IGF1R: variants seen among roughly 807,000 people sequenced by gnomAD.
IGF1R encodes insulin like growth factor 1 receptor.
IGF1R carries 44 observed loss-of-function variants against 144.6 expected under a neutral mutation model. The observed-to-expected ratio is 0.30, with a 90% CI of 0.24 to 0.39. IGF1R has a LOEUF of 0.39. Among genes scored for constraint, IGF1R ranks in the 10% least tolerant of loss-of-function variants. The pLI, the probability that IGF1R is intolerant of heterozygous loss-of-function variation, is 1.00. For missense variants in IGF1R, 1,355 were observed against 1,833.7 expected (o/e 0.74, Z 4.77); for synonymous variants, 795 against 722.8 (o/e 1.10, Z -1.60).
At position 98,712,318 on chromosome 15, in the gene IGF1R, A is replaced by G. The variant is rs1006147476; in HGVS notation, c.640+4211A>G. ...CATATCAGACCACCACGAGCATTTC[A>G]CTACAGCCTCTGATGGTCTTCCCTG... is the stretch of plus-strand genomic sequence containing the variant. On this transcript the variant is annotated intron_variant, in intron 2 of 20. Transcript: ENST00000650285. 1.3e-5 allele frequency among the ~76,000 whole-genome samples: 2 copies of G among 152,050 alleles called. 1 individual carries two copies. Among genetic ancestry groups the G allele is most frequent in the African/African-American group, 4.8e-5 (2 of 41,384 alleles).
intron 1 of IGF1R, among the ~76,000 whole-genome samples, chr15:98,706,589 TA>T (rs35701132): frequency 0.066 from 9,703 of 147,524 alleles, 517 homozygotes; most frequent in African/African-American, 0.15. Context: ...AGGGATTGGT[TA>T]AAAAAAAAAA....
chr15:98,910,410 A>G (rs1374778847), intron 6 of IGF1R, among the ~76,000 whole-genome samples: 1 of 152,208 alleles, frequency 6.6e-6, no homozygotes, highest in Non-Finnish European at 1.5e-5. Context: ...GAACTGTGAC[A>G]TTTCCCAATC....
At chr15:98,956,139 C>G (rs1260412100) in intron 20 of IGF1R, among the ~76,000 whole-genome samples, 1 of 152,230 alleles carries the variant, frequency 6.6e-6, no homozygotes, top group African/African-American at 2.4e-5. Flanking sequence ...TTTCCTTGTC[C>G]ACGTGTGGCC....
At chr15:98,712,847 C>CGATCCACCGGT (rs2141267406) in intron 2 of IGF1R, among the ~76,000 whole-genome samples, 1 of 149,674 alleles carries the variant, frequency 6.7e-6, no homozygotes, top group East Asian at 2.0e-4. Context: ...CGACCTCAGG[C>CGATCCACCGGT]GATCCACCGG....
chr15:98,960,397 G>A lies in IGF1R; in HGVS notation c.*2955G>A. The A allele has an allele frequency of 4.3e-6, 1 of 233,306 alleles. No homozygotes were observed. The highest frequency in any genetic ancestry group is 8.5e-6 in the Non-Finnish European group (1 of 118,036). 14.5% of individuals were successfully genotyped at this position (233,306 alleles called of 1,614,324 possible). A position where few individuals can be genotyped will look rare whatever the true frequency, so the allele number is the denominator to read the frequency against. ...CCAACGAGGGCACCAGAGCACACCT[G>A]GGGGAGCCACCAGGCTGTCCCTGGC... is the stretch of plus-strand genomic sequence containing the variant. On this transcript the variant is annotated 3_prime_UTR_variant, in exon 21 of 21. Transcript: ENST00000650285.
chr15:98,720,334 T>A (rs2054217969), intron 2 of IGF1R, among the ~76,000 whole-genome samples: 1 of 152,212 alleles, frequency 6.6e-6, no homozygotes, highest in African/African-American at 2.4e-5. Flanking sequence ...TCTGGCCTCT[T>A]CTACTGACTT....
In IGF1R at chr15:98,724,750, C is replaced by T. The variant is rs1029258168; in HGVS notation, c.640+16643C>T. Among the ~76,000 whole-genome samples, 49 of 152,130 alleles carry T rather than the reference C, an allele frequency of 3.2e-4. 1 individual carries two copies. Among genetic ancestry groups the T allele is most frequent in the Non-Finnish European group, 1.5e-5 (1 of 68,032 alleles). ...GCAGTCACTGAAGGTACCTTGTGTACACAGAAAGAAGACAGAGGGAGCCCC... is the reference window on the plus strand; with the variant it reads ...GCAGTCACTGAAGGTACCTTGTGTATACAGAAAGAAGACAGAGGGAGCCCC... On this transcript the variant is annotated intron_variant, in intron 2 of 20. Coordinates refer to ENST00000650285, the MANE Select transcript of IGF1R (RefSeq NM_000875.5).
intron 17 of IGF1R, among the ~76,000 whole-genome samples, chr15:98,936,516 A>C: frequency 6.6e-6 from 1 of 152,086 alleles, no homozygotes; most frequent in African/African-American, 2.4e-5. Context: ...TTTGCTGCTT[A>C]CTGGGTAAGC....
At chr15:98,855,652 A>G (rs1015298518) in intron 2 of IGF1R, among the ~76,000 whole-genome samples, 4 of 152,160 alleles carry the variant, frequency 2.6e-5, no homozygotes, top group African/African-American at 9.7e-5. Flanking sequence ...TCTTTAATGT[A>G]TACGTTTAGA....
intron 1 of IGF1R, among the ~76,000 whole-genome samples, chr15:98,678,109 G>T (rs1410671033): frequency 1.3e-5 from 2 of 152,174 alleles, no homozygotes. Flanking sequence ...AATGTCATCA[G>T]ATGTCATTTT....
chr15:98,694,801 G>T (rs1215701089), intron 1 of IGF1R, among the ~76,000 whole-genome samples: 1 of 152,218 alleles, frequency 6.6e-6, no homozygotes, highest in Non-Finnish European at 1.5e-5. Flanking sequence ...ATAAAGAATG[G>T]GTGCGCCGAA....
chr15:98,649,791 AGCGGCGGGGTGGGGCGCAGG>A (rs2052304304), intron 1 of IGF1R, 116 bp downstream of exon 1: 1 of 767,114 alleles, frequency 1.3e-6, no homozygotes, highest in Non-Finnish European at 2.2e-6. Flanking sequence ...CGGGCTCGGG[AGCGGCGGGGTGGGGCGCAGG>A]GCGGCTCTGC....
chr15:98,925,921 A>C (rs921175581), intron 13 of IGF1R, among the ~76,000 whole-genome samples: 8 of 152,034 alleles, frequency 5.3e-5, no homozygotes, highest in Non-Finnish European at 1.0e-4. Context: ...AGGAAAAAAA[A>C]CAAAAAACAG....
At chr15:98,914,953 T>G (rs1322623108) in intron 8 of IGF1R, among the ~76,000 whole-genome samples, 1 of 152,210 alleles carries the variant, frequency 6.6e-6, no homozygotes, top group African/African-American at 2.4e-5. Context: ...AGTCATAACC[T>G]TTTTCCAAAG....
intron 20 of IGF1R, 108 bp from the exon 21 acceptor site, chr15:98,956,953 C>A: frequency 1.6e-6 from 2 of 1,259,674 alleles, no homozygotes; most frequent in Non-Finnish European, 2.3e-6. Context: ...GTGTTCAGTG[C>A]TCCCGCCGTA....
chr15:98,900,226 G>A (rs986609382), intron 5 of IGF1R, among the ~76,000 whole-genome samples: 2 of 152,208 alleles, frequency 1.3e-5, no homozygotes, highest in African/African-American at 4.8e-5. Flanking sequence ...TTCACTGGAG[G>A]ATAAAAGCCG....
chr15:98,741,828 A>T (rs866205827), intron 2 of IGF1R, among the ~76,000 whole-genome samples: 1 of 152,144 alleles, frequency 6.6e-6, no homozygotes, highest in Non-Finnish European at 1.5e-5. Context: ...CTCCTCCTCC[A>T]TGGGGATTTT....
intron 18 of IGF1R, among the ~76,000 whole-genome samples, 190 bp from the exon 19 acceptor site, chr15:98,942,733 C>A (rs535559054): frequency 6.6e-6 from 1 of 152,350 alleles, no homozygotes; most frequent in South Asian, 2.1e-4. Context: ...ATTTGCTCAT[C>A]ATGTGATTAA....
At position 98,925,286 on chromosome 15, in the gene IGF1R, A is replaced by G. The variant is rs1005056093; in HGVS notation, c.2782+602A>G. On this transcript the variant is annotated intron_variant, in intron 13 of 20. Transcript: ENST00000650285. ...TGAGTTTATGCTCAAGTCATTAACA[A>G]GACAGAATTCTTAGGCTGTTCTGTG... 1.2e-4 allele frequency among the ~76,000 whole-genome samples: 18 copies of G among 152,242 alleles called. 1 individual carries two copies. The highest frequency in any genetic ancestry group is 1.0e-3 in the Admixed American group (16 of 15,290).
Sources: gnomAD v4.1 joint callset for allele counts (sites outside exome capture counted in the v4.1 genomes callset) on GRCh38, gnomAD v4.1.1 for gene constraint, MANE v1.5 for transcripts, NCBI Gene and HGNC (gene_info 2026-07-23, HGNC 2026-07-21) for gene names.